The following DTNB variants were observed in gnomAD, a reference collection of about 807,000 sequenced individuals.
DTNB encodes dystrobrevin beta.
Under a neutral mutation model 90.7 loss-of-function variants are expected in DTNB, and 63 were observed. The ratio of observed to expected loss-of-function variants is 0.69; its 90% CI spans 0.57 to 0.86. DTNB has a LOEUF of 0.86. Ranked by LOEUF, DTNB falls within the 40% of genes least tolerant of loss-of-function variation. DTNB has a pLI of 0.00. For missense variants in DTNB, 744 were observed against 807.1 expected (o/e 0.92, Z 0.95); for synonymous variants, 277 against 286.7 (o/e 0.97, Z 0.34).
chr2:25,379,415 CA>C, intron 19 of DTNB, 92 bp from the exon 20 acceptor site: 8 of 1,265,314 alleles, frequency 6.3e-6, no homozygotes, highest in Non-Finnish European at 8.0e-6. Flanking sequence ...CTGACCAACC[CA>C]CCCCAGGGGC....
intron 8 of DTNB, among the ~76,000 whole-genome samples, chr2:25,559,500 T>C (rs79211636): frequency 0.076 from 11,567 of 152,270 alleles, 626 homozygotes; most frequent in Non-Finnish European, 0.12. Context: ...TTGAATGTCG[T>C]ATAATCAGAC....
At chr2:25,611,533 G>A (rs973622315) in intron 4 of DTNB, among the ~76,000 whole-genome samples, 7 of 152,190 alleles carry the variant, frequency 4.6e-5, no homozygotes, top group African/African-American at 1.7e-4. Flanking sequence ...ATCCATGGGT[G>A]TCTGAATCCA....
rs140502697 is a variant in DTNB at position 25,516,834 on chromosome 2, G to C, written c.1001+14639C>G. Among the ~76,000 whole-genome samples, 313 of 152,134 alleles carry C rather than the reference G, an allele frequency of 2.1e-3. 2 individuals are homozygous for C. Among genetic ancestry groups the C allele is most frequent in the African/African-American group, 7.2e-3 (301 of 41,520 alleles). On this transcript the variant is annotated intron_variant, in intron 9 of 20. Transcript: ENST00000406818. ...GAACCCAGGAGACAGAAGTTACAAT[G>C]AGCCAAAGACCGTGCCATTGCACTC...
At chr2:25,412,982 C>T (rs999949360) in intron 16 of DTNB, among the ~76,000 whole-genome samples, 2 of 152,136 alleles carry the variant, frequency 1.3e-5, no homozygotes, top group Non-Finnish European at 2.9e-5. Context: ...ATCCTACAAC[C>T]GTATTTCTGA....
At position 25,555,758 on chromosome 2, in the gene DTNB, G is replaced by A. The variant is rs569098569; in HGVS notation, c.876+21080C>T. Among the ~76,000 whole-genome samples the A allele has an allele frequency of 1.1e-4, 16 of 152,214 alleles. No homozygotes were observed. The South Asian group carries it at 3.1e-3, about 30-fold the overall frequency. ...TGGCTGGGTACAGTGGCTCACTCCT[G>A]TAATCCCAGTCCTTTGGGAGGCTGA... On this transcript the variant is annotated intron_variant, in intron 8 of 20. Transcript: ENST00000406818.
chr2:25,647,834 C>CA (rs562898923), intron 2 of DTNB, among the ~76,000 whole-genome samples: 2,592 of 132,826 alleles, frequency 0.02, 23 homozygotes, highest in South Asian at 0.034. Flanking sequence ...ACTTGGGATG[C>CA]AAAAAAAAAA....
At chr2:25,484,897 T>C (rs979469003) in intron 9 of DTNB, among the ~76,000 whole-genome samples, 1 of 152,232 alleles carries the variant, frequency 6.6e-6, no homozygotes, top group African/African-American at 2.4e-5. Flanking sequence ...TCAGTTGTTT[T>C]AGGTTGACTA....
rs79799449 is a variant in DTNB, at chr2:25,387,568, T to G, written c.1736-190A>C. On this transcript the variant is annotated intron_variant, in intron 17 of 20. Transcript: ENST00000406818. The surrounding 1 kb of genome is among the most constrained non-coding windows in gnomAD (Gnocchi z 4.5). ...GGAGGCACCAGCCCACTGGTCCCTC[T>G]CCCTCTGCCCTCTCTACCTAGGGAG... is the stretch of plus-strand genomic sequence containing the variant. 9.3e-4 allele frequency among the ~76,000 whole-genome samples: 141 copies of G among 152,226 alleles called. 1 individual carries two copies. The East Asian group carries it at 0.025, about 27-fold the overall frequency.
At chr2:25,395,465 CATAA>C (rs1287286501) in intron 16 of DTNB, among the ~76,000 whole-genome samples, 43 of 150,678 alleles carry the variant, frequency 2.9e-4, no homozygotes, top group African/African-American at 9.5e-4. Context: ...TTTGTAAATA[CATAA>C]ATACACATAA....
chr2:25,616,327 T>A (rs1202791102), intron 4 of DTNB, among the ~76,000 whole-genome samples: 2 of 130,124 alleles, frequency 1.5e-5, no homozygotes, highest in Admixed American at 7.3e-5. Context: ...TATATTATAA[T>A]AATTAGCACT....
intron 4 of DTNB, among the ~76,000 whole-genome samples, chr2:25,621,960 T>C (rs1478426649): frequency 6.6e-6 from 1 of 152,090 alleles, no homozygotes; most frequent in Non-Finnish European, 1.5e-5. Flanking sequence ...TTCAATACCG[T>C]ATTTTGTATT....
At chr2:25,548,569 A>C (rs1182869385) in intron 8 of DTNB, among the ~76,000 whole-genome samples, 1 of 152,122 alleles carries the variant, frequency 6.6e-6, no homozygotes, top group East Asian at 1.9e-4. Flanking sequence ...CGAGGCCCTA[A>C]AATGCAAGTT....
intron 4 of DTNB, among the ~76,000 whole-genome samples, chr2:25,624,081 A>T (rs1454079569): frequency 6.6e-6 from 1 of 152,176 alleles, no homozygotes; most frequent in African/African-American, 2.4e-5. Flanking sequence ...TGCAGGCTTC[A>T]TCTGTGTGAT....
chr2:25,648,791 G>C (rs1184938222), intron 2 of DTNB, among the ~76,000 whole-genome samples: 1 of 151,990 alleles, frequency 6.6e-6, no homozygotes, highest in African/African-American at 2.4e-5. Flanking sequence ...GAAAACATCT[G>C]ATAAAATTCA....
intron 1 of DTNB, among the ~76,000 whole-genome samples, chr2:25,656,579 A>G (rs918799460): frequency 1.3e-5 from 2 of 152,136 alleles, no homozygotes; most frequent in Non-Finnish European, 2.9e-5. Flanking sequence ...CCTTCCTCAT[A>G]ATCACGCTCA....
chr2:25,563,961 G>A (rs908538101), intron 8 of DTNB, among the ~76,000 whole-genome samples: 3 of 152,092 alleles, frequency 2.0e-5, no homozygotes, highest in Admixed American at 6.5e-5. Context: ...GCAGTGGTGC[G>A]TGCGATCTCA....
At chr2:25,572,784 T>C (rs370688447) in intron 8 of DTNB, among the ~76,000 whole-genome samples, 4 of 152,284 alleles carry the variant, frequency 2.6e-5, no homozygotes, top group African/African-American at 9.6e-5. Context: ...TCTATTTGTT[T>C]CCAGTTGATT....
chr2:25,545,692 G>A (rs2082270127), intron 8 of DTNB, among the ~76,000 whole-genome samples: 1 of 152,158 alleles, frequency 6.6e-6, no homozygotes. Context: ...TACGATCTTG[G>A]CTCACTGCAG....
At chr2:25,607,761 G>A (rs1303123315) in intron 4 of DTNB, among the ~76,000 whole-genome samples, 1 of 152,122 alleles carries the variant, frequency 6.6e-6, no homozygotes, top group Non-Finnish European at 1.5e-5. Flanking sequence ...ACAACAGGGT[G>A]CATCTTACTA....
Sources: gnomAD v4.1 joint callset for allele counts (sites outside exome capture counted in the v4.1 genomes callset) on GRCh38, gnomAD v4.1.1 for gene constraint, Gnocchi (gnomAD v3.1) non-coding constraint, MANE v1.5 for transcripts, NCBI Gene and HGNC (gene_info 2026-07-23, HGNC 2026-07-21) for gene names.